Variants in KLHL13 observed in about 807,000 individuals in gnomAD.
KLHL13 encodes the protein kelch-like protein 13.
A neutral mutation model predicts 37.1 loss-of-function variants in KLHL13; 10 were observed. That is an observed-to-expected ratio of 0.27 (90% CI 0.17 to 0.46). The LOEUF (loss-of-function observed/expected upper bound fraction) is 0.46. Among genes scored for constraint, KLHL13 ranks in the 20% least tolerant of loss-of-function variants. The pLI, the probability that KLHL13 is intolerant of heterozygous loss-of-function variation, is 1.00. For missense variants in KLHL13, 360 were observed against 509.3 expected (o/e 0.71, Z 2.82); for synonymous variants, 163 against 181.2 (o/e 0.90, Z 0.81).
At chrX:118,007,250 A>G (rs1178733276) in intron 1 of KLHL13, among the ~76,000 whole-genome samples, 1 of 108,659 alleles carries the variant, frequency 9.2e-6, no homozygotes, top group Non-Finnish European at 1.9e-5. Flanking sequence ...TCTCTACAAA[A>G]TAGAAAAAAT....
chrX:117,931,849 C>T (rs1315542265), intron 2 of KLHL13, among the ~76,000 whole-genome samples: 2 of 110,673 alleles, frequency 1.8e-5, no homozygotes, highest in Non-Finnish European at 1.9e-5. Context: ...CAATTCTTGC[C>T]TTTTGTACCT....
intron 1 of KLHL13, among the ~76,000 whole-genome samples, chrX:118,046,491 C>A (rs1237979746): frequency 1.8e-5 from 2 of 111,682 alleles, no homozygotes; most frequent in Non-Finnish European, 3.8e-5. Context: ...ACAACAGGAG[C>A]AACTATAGTT....
intron 1 of KLHL13, among the ~76,000 whole-genome samples, chrX:118,025,114 C>T (rs1032923855): frequency 3.6e-5 from 4 of 111,533 alleles, no homozygotes; most frequent in Non-Finnish European, 7.5e-5. Context: ...CTGTTTTCAC[C>T]CAACATGGCC....
chrX:117,909,546 G>C (rs750694147), exon 5 of KLHL13: 4 of 1,209,520 alleles, frequency 3.3e-6, no homozygotes, highest in Non-Finnish European at 4.5e-6. Flanking sequence ...GGCATCCATG[G>C]GGGCTAACGA....
intron 1 of KLHL13, among the ~76,000 whole-genome samples, chrX:118,031,826 G>A (rs1474120184): frequency 5.5e-5 from 6 of 108,134 alleles, no homozygotes; most frequent in Non-Finnish European, 9.5e-5. Flanking sequence ...TCCATCTGAG[G>A]TACCGGGTTC....
exon 7 of KLHL13, chrX:117,899,391 T>A: frequency 8.4e-7 from 1 of 1,185,648 alleles, no homozygotes; most frequent in Non-Finnish European, 1.1e-6. Flanking sequence ...CATGAGTAAT[T>A]CCTCCTAAAG....
intron 1 of KLHL13, among the ~76,000 whole-genome samples, chrX:118,067,121 A>G (rs1388714203): frequency 8.9e-6 from 1 of 112,195 alleles, no homozygotes; most frequent in Non-Finnish European, 1.9e-5. Context: ...TACCCAGGTT[A>G]TACGGTATAG....
chrX:117,969,184 G>A (rs1334122086), intron 1 of KLHL13, among the ~76,000 whole-genome samples: 1 of 111,059 alleles, frequency 9.0e-6, no homozygotes, highest in African/African-American at 3.3e-5. Flanking sequence ...TATTTCACTG[G>A]TTAATTCTTA....
chrX:118,096,243 G>C (rs778192346), intron 1 of KLHL13, among the ~76,000 whole-genome samples: 15 of 111,003 alleles, frequency 1.4e-4, no homozygotes, highest in Non-Finnish European at 2.6e-4. Context: ...ATGACAAAGG[G>C]GGTATCACCA....
At chrX:118,054,593 A>G (rs910555342) in intron 1 of KLHL13, among the ~76,000 whole-genome samples, 6 of 111,791 alleles carry the variant, frequency 5.4e-5, no homozygotes, top group Non-Finnish European at 9.4e-5. Context: ...TTCTTTATCA[A>G]TGACAAGTTT....
intron 1 of KLHL13, among the ~76,000 whole-genome samples, chrX:118,007,370 C>CAAA (rs57382655): frequency 7.5e-4 from 35 of 46,517 alleles, no homozygotes; most frequent in Non-Finnish European, 9.4e-4. Flanking sequence ...GAGACCCTGT[C>CAAA]AAAAAAAAAA....
At chrX:117,937,889 C>A (rs1180084685) in intron 2 of KLHL13, among the ~76,000 whole-genome samples, 1 of 111,830 alleles carries the variant, frequency 8.9e-6, no homozygotes, top group Non-Finnish European at 1.9e-5. Context: ...TTAGCTTTCA[C>A]TCTCATATCC....
intron 1 of KLHL13, among the ~76,000 whole-genome samples, chrX:118,053,305 CA>C (rs1257341773): frequency 8.9e-6 from 1 of 111,964 alleles, no homozygotes; most frequent in Non-Finnish European, 1.9e-5. Flanking sequence ...GAATACTATG[CA>C]GCCATAAAAA....
At position 117,931,109 on chromosome X, in the gene KLHL13, C is replaced by G. The variant is rs111715686; in HGVS notation, c.241-10739G>C. 1.6e-3 allele frequency among the ~76,000 whole-genome samples: 175 copies of G among 111,751 alleles called. 2 individuals carry two copies. The highest frequency in any genetic ancestry group is 5.5e-3 in the African/African-American group (170 of 30,854). The stretch of plus-strand genomic sequence containing the variant: ...ATCTGTATAGGCTCTTACAATAACC[C>G]ATTTCTTTAACATTCTATTAGCTAG... On this transcript the variant is annotated intron_variant, in intron 2 of 6. Coordinates refer to ENST00000262820, the Ensembl canonical transcript of KLHL13.
exon 5 of KLHL13, chrX:117,909,473 A>G (rs1002915473): frequency 8.3e-7 from 1 of 1,209,647 alleles, no homozygotes; most frequent in African/African-American, 1.8e-5. Context: ...TATCATAATT[A>G]CTCTGTCCGC....
At chrX:118,007,748 G>A (rs1199095363) in intron 1 of KLHL13, among the ~76,000 whole-genome samples, 2 of 111,170 alleles carry the variant, frequency 1.8e-5, no homozygotes, top group Non-Finnish European at 3.8e-5. Context: ...AGGAAGGGAG[G>A]AGGACACATT....
chrX:117,975,723 C>G (rs1250527349), upstream of KLHL13, among the ~76,000 whole-genome samples: 3 of 111,857 alleles, frequency 2.7e-5, no homozygotes, highest in African/African-American at 9.8e-5. Context: ...GATCCAAAAA[C>G]CTGTGTAAAA....
chrX:118,098,738 T>G (rs1474255326), intron 1 of KLHL13, among the ~76,000 whole-genome samples: 1,322 of 105,658 alleles, frequency 0.013, 28 homozygotes, highest in African/African-American at 0.042. Context: ...TGGAATACTA[T>G]GCAGCCATAA....
chrX:118,113,965 T>C (rs768402276), intron 1 of KLHL13, among the ~76,000 whole-genome samples: 10 of 112,445 alleles, frequency 8.9e-5, no homozygotes, highest in African/African-American at 3.2e-4. Flanking sequence ...TTGTTATGAA[T>C]ATCAGTAACT....
Sources: allele counts gnomAD v4.1 joint callset (sites outside exome capture counted in the v4.1 genomes callset), GRCh38; gene constraint gnomAD v4.1.1; transcripts MANE v1.5; gene names NCBI Gene and HGNC (gene_info 2026-07-23, HGNC 2026-07-21).